CPQ: variants seen among roughly 807,000 people sequenced by gnomAD.
The protein encoded by CPQ is Ser-Met dipeptidase.
In CPQ, 37 loss-of-function variants were observed where a neutral mutation model predicts 45.7. The ratio of observed to expected loss-of-function variants is 0.81; its 90% CI spans 0.62 to 1.07. The LOEUF (loss-of-function observed/expected upper bound fraction) is 1.07. Among genes scored for constraint, CPQ ranks in the 50% least tolerant of loss-of-function variants. The probability of loss-of-function intolerance (pLI) is 0.00; values close to 1 mark genes in which losing one functional copy is unlikely to be tolerated. For synonymous variants in CPQ, 186 were observed against 205.8 expected, an observed-to-expected ratio of 0.90 and a Z score of 0.82; for missense variants, 537 against 572.9, an observed-to-expected ratio of 0.94 and a Z score of 0.64.
intron 1 of CPQ, among the ~76,000 whole-genome samples, chr8:96,649,140 C>G (rs188309652): frequency 6.6e-6 from 1 of 152,296 alleles, no homozygotes; most frequent in East Asian, 1.9e-4. Context: ...TACAGCCTGG[C>G]TAATTTTTTT....
intron 1 of CPQ, among the ~76,000 whole-genome samples, chr8:96,670,466 T>G (rs535087986): frequency 6.6e-6 from 1 of 152,110 alleles, no homozygotes; most frequent in Non-Finnish European, 1.5e-5. Flanking sequence ...ATAGATGGTG[T>G]CATGCAAAGA....
At chr8:97,074,685 C>T (rs7012352) in intron 7 of CPQ, among the ~76,000 whole-genome samples, 78,031 of 151,884 alleles carry the variant, frequency 0.51, 20,840 homozygotes, top group East Asian at 0.6. Flanking sequence ...GCAGGAGAAT[C>T]GCTTGAATCC....
At chr8:96,846,158 C>T (rs188554984) in intron 3 of CPQ, among the ~76,000 whole-genome samples, 74 of 152,202 alleles carry the variant, frequency 4.9e-4, no homozygotes, top group Admixed American at 2.6e-3. Context: ...TTTATATTTT[C>T]GGCAGTCATG....
At chr8:96,943,338 A>G (rs966125818) in intron 4 of CPQ, among the ~76,000 whole-genome samples, 2 of 152,194 alleles carry the variant, frequency 1.3e-5, no homozygotes, top group African/African-American at 2.4e-5. Context: ...AAGATCCTAT[A>G]TACTATTTTC....
intron 7 of CPQ, among the ~76,000 whole-genome samples, chr8:97,133,945 A>G (rs1812003454): frequency 6.6e-6 from 1 of 152,218 alleles, no homozygotes; most frequent in Non-Finnish European, 1.5e-5. Context: ...AAGGTATAAG[A>G]ACATACTGAG....
chr8:96,699,260 T>C (rs919072173), intron 1 of CPQ, among the ~76,000 whole-genome samples: 9 of 152,080 alleles, frequency 5.9e-5, no homozygotes, highest in Non-Finnish European at 1.3e-4. Context: ...TTTCCACTTA[T>C]TTGTGGGAGT....
chr8:96,995,028 A>G (rs1362329674), intron 5 of CPQ, among the ~76,000 whole-genome samples: 1 of 151,972 alleles, frequency 6.6e-6, no homozygotes, highest in East Asian at 1.9e-4. Context: ...TACTCGAAAG[A>G]GGTTGAAGAA....
intron 6 of CPQ, among the ~76,000 whole-genome samples, chr8:97,039,503 CTTTAAG>C (rs1003260913): frequency 7.5e-5 from 11 of 146,766 alleles, no homozygotes; most frequent in African/African-American, 1.0e-4. Flanking sequence ...TATTATTATA[CTTTAAG>C]TTTAGGGTAC....
intron 7 of CPQ, among the ~76,000 whole-genome samples, chr8:97,112,409 T>A (rs2130595186): frequency 6.6e-6 from 1 of 152,210 alleles, no homozygotes; most frequent in East Asian, 1.9e-4. Flanking sequence ...CATAAGCTGA[T>A]GAGAGTTACC....
chr8:97,071,467 A>C (rs888933321), intron 7 of CPQ, among the ~76,000 whole-genome samples: 1 of 152,092 alleles, frequency 6.6e-6, no homozygotes, highest in Non-Finnish European at 1.5e-5. Flanking sequence ...AGGCACTATA[A>C]TTCAGAAACC....
chr8:96,716,737 G>A lies in CPQ; in HGVS notation c.-34-68127G>A, dbSNP rs186666475. Among the ~76,000 whole-genome samples the A allele has an allele frequency of 1.9e-3, 293 of 152,030 alleles. 5 individuals are homozygous for A. Among genetic ancestry groups the A allele is most frequent in the Admixed American group, 0.013 (192 of 15,270 alleles). ...AGCCTGGCCAACATGGTGAAACCCC[G>A]TCTCTACTAAAAATACAACATTAGC... On this transcript the variant is annotated intron_variant, in intron 1 of 7. Coordinates refer to ENST00000220763, the MANE Select transcript of CPQ (RefSeq NM_016134.4).
chr8:96,859,180 A>G (rs1811895572), intron 3 of CPQ, among the ~76,000 whole-genome samples: 1 of 152,160 alleles, frequency 6.6e-6, no homozygotes, highest in African/African-American at 2.4e-5. Context: ...ACAGGTTGCA[A>G]TTTTGTTAAA....
intron 6 of CPQ, among the ~76,000 whole-genome samples, chr8:97,064,709 T>G (rs543840595): frequency 1.3e-5 from 2 of 152,318 alleles, no homozygotes; most frequent in East Asian, 3.9e-4. Context: ...AGCAAAAGGT[T>G]AGGCAATCAT....
intron 3 of CPQ, among the ~76,000 whole-genome samples, chr8:96,837,653 T>C (rs1048957619): frequency 7.2e-5 from 11 of 152,134 alleles, no homozygotes; most frequent in African/African-American, 2.2e-4. Context: ...ACAATCTACA[T>C]TGTGGCCATT....
chr8:96,970,871 G>GTACTT (rs1410372410), intron 5 of CPQ, among the ~76,000 whole-genome samples: 3 of 152,036 alleles, frequency 2.0e-5, no homozygotes, highest in Admixed American at 1.3e-4. Flanking sequence ...CCACTCTTAA[G>GTACTT]TACTTTATAA....
chr8:96,879,616 C>G (rs1712516953), intron 3 of CPQ, among the ~76,000 whole-genome samples, 182 bp from the exon 4 acceptor site: 1 of 152,104 alleles, frequency 6.6e-6, no homozygotes, highest in Admixed American at 6.6e-5. Flanking sequence ...CTAATTTATT[C>G]TTAACAAAAA....
At chr8:96,784,747 T>C (rs1184620739) in intron 1 of CPQ, 117 bp from the exon 2 acceptor site, 6 of 682,440 alleles carry the variant, frequency 8.8e-6, no homozygotes, top group Admixed American at 2.9e-5. Context: ...TGATGGTGGA[T>C]GTTGGGCAGT....
chr8:96,735,867 G>A (rs569394453), intron 1 of CPQ, among the ~76,000 whole-genome samples: 1 of 152,196 alleles, frequency 6.6e-6, no homozygotes, highest in Admixed American at 6.5e-5. Context: ...ACACAAAGAG[G>A]ATGATTTAGT....
chr8:97,020,835 A>T (rs1194393635), intron 5 of CPQ, among the ~76,000 whole-genome samples: 1 of 152,286 alleles, frequency 6.6e-6, no homozygotes, highest in South Asian at 2.1e-4. Flanking sequence ...CTATTCCACA[A>T]GATAGAGAAA....
Sources: gnomAD v4.1 joint callset for allele counts (sites outside exome capture counted in the v4.1 genomes callset) on GRCh38, gnomAD v4.1.1 for gene constraint, MANE v1.5 for transcripts, NCBI Gene and HGNC (gene_info 2026-07-23, HGNC 2026-07-21) for gene names.